PPP2R5A: variants seen among roughly 807,000 people sequenced by gnomAD.
PPP2R5A encodes protein phosphatase 2 regulatory subunit B'alpha.
In PPP2R5A, 25 loss-of-function variants were observed where a neutral mutation model predicts 64.2. That is an observed-to-expected ratio of 0.39 (90% CI 0.28 to 0.54). PPP2R5A has a LOEUF of 0.54. PPP2R5A is among the 20% of genes least tolerant of loss of function. The probability of loss-of-function intolerance (pLI) is 0.67; values close to 1 mark genes in which losing one functional copy is unlikely to be tolerated. For synonymous variants in PPP2R5A, 198 were observed against 201.2 expected (o/e 0.98, Z 0.13); for missense variants, 425 against 576.3 (o/e 0.74, Z 2.69).
chr1:212,350,006 C>A (rs960342662), intron 8 of PPP2R5A, among the ~76,000 whole-genome samples: 1 of 152,184 alleles, frequency 6.6e-6, no homozygotes, highest in Non-Finnish European at 1.5e-5. Context: ...AAAGTGATTG[C>A]GGCTTTTGCC....
chr1:212,289,677 G>T (rs971914288), intron 1 of PPP2R5A, among the ~76,000 whole-genome samples: 1 of 151,852 alleles, frequency 6.6e-6, no homozygotes, highest in African/African-American at 2.4e-5. Context: ...GGGATTAAGG[G>T]GAATAATTTA....
chr1:212,311,189 C>T (rs948319724), intron 1 of PPP2R5A, among the ~76,000 whole-genome samples: 1 of 152,168 alleles, frequency 6.6e-6, no homozygotes, highest in African/African-American at 2.4e-5. Flanking sequence ...GTATATATAG[C>T]TGCCAGGCAT....
chr1:212,286,960 C>T (rs1320989298), intron 1 of PPP2R5A, among the ~76,000 whole-genome samples: 2 of 152,158 alleles, frequency 1.3e-5, no homozygotes, highest in Non-Finnish European at 2.9e-5. Context: ...TTAAAATATT[C>T]TGTTGTCTGA....
At chr1:212,352,764 A>G (rs187481866) in intron 8 of PPP2R5A, 8 of 518,134 alleles carry the variant, frequency 1.5e-5, no homozygotes, top group Non-Finnish European at 2.3e-5. Context: ...TTCATTTTCA[A>G]TTACGCATAT....
chr1:212,343,420 T>C lies in PPP2R5A; in HGVS notation c.573+1140T>C, dbSNP rs371677213. 1.1e-3 allele frequency among the ~76,000 whole-genome samples: 166 copies of C among 152,282 alleles called. 1 individual carries two copies. The highest frequency in any genetic ancestry group is 3.7e-3 in the African/African-American group (155 of 41,562). On this transcript the variant is annotated intron_variant, in intron 4 of 12. Transcript: ENST00000261461. ...GGACCTTTCCTACCCTTCAGACCGC[T>C]TTGTATGTGCCCTATGATAAAAATT...
rs1658491221 is a variant in PPP2R5A, at chr1:212,286,095, C to G, written c.-16C>G. On this transcript the variant is annotated 5_prime_UTR_variant, in exon 1 of 13. Transcript: ENST00000261461. ...GCAAGCAGCAGCCGGAGCTGCCAAG[C>G]GTCAGGGCCGCGGAGATGTCGTCGT... 3 of 1,548,164 alleles carry G rather than the reference C, an allele frequency of 1.9e-6. No homozygotes were observed. Among genetic ancestry groups the G allele is most frequent in the Non-Finnish European group, 2.6e-6 (3 of 1,151,436 alleles).
At position 212,358,899 on chromosome 1, in the gene PPP2R5A, A is replaced by ATGT. The variant is rs879356792; in HGVS notation, c.1328+113_1328+114insGTT. On this transcript the variant is annotated intron_variant, in intron 12 of 12. Coordinates refer to ENST00000261461, the MANE Select transcript of PPP2R5A (RefSeq NM_006243.4). ...TCAGATTTTCATATTTAAGAAGTTAATTACCTTATAGTAAACATTACAATG... is the reference window on the plus strand; with the variant it reads ...TCAGATTTTCATATTTAAGAAGTTAATGTTTACCTTATAGTAAACATTACAATG... 1.2e-3 allele frequency: 895 copies of ATGT among 744,448 alleles called. 16 individuals carry two copies. The Admixed American group carries it at 0.024, about 20-fold the overall frequency. 46.1% of individuals were successfully genotyped at this position (744,448 alleles called of 1,614,324 possible). A position where few individuals can be genotyped will look rare whatever the true frequency, so the allele number is the denominator to read the frequency against.
At chr1:212,300,186 A>AGTCACTGGTTTT (rs1658774307) in intron 1 of PPP2R5A, among the ~76,000 whole-genome samples, 1 of 152,210 alleles carries the variant, frequency 6.6e-6, no homozygotes, top group South Asian at 2.1e-4. Context: ...CCGTATATCT[A>AGTCACTGGTTTT]GTCACTGGTT....
rs186352077 is a variant in PPP2R5A at position 212,348,090 on chromosome 1, C to G, written c.765-299C>G. On this transcript the variant is annotated intron_variant, in intron 6 of 12. Transcript: ENST00000261461. ...CTAACAATATTGTGGTACTGACTCT[C>G]CTGGAGCTTTGGGGGCAAAAATAAA... is the stretch of plus-strand genomic sequence containing the variant. 9.1e-4 allele frequency among the ~76,000 whole-genome samples: 139 copies of G among 152,270 alleles called. 1 individual carries two copies. The highest frequency in any genetic ancestry group is 2.0e-3 in the Admixed American group (31 of 15,300).
intron 1 of PPP2R5A, among the ~76,000 whole-genome samples, chr1:212,321,271 C>T (rs1348543462): frequency 2.9e-4 from 38 of 131,552 alleles, no homozygotes; most frequent in Middle Eastern, 5.3e-3. Context: ...GGCGGCCGGG[C>T]AGAGGCGCCC....
chr1:212,320,160 C>G (rs1659243394), intron 1 of PPP2R5A, among the ~76,000 whole-genome samples: 1 of 151,738 alleles, frequency 6.6e-6, no homozygotes, highest in African/African-American at 2.4e-5. Context: ...AACGAGCATG[C>G]TGCCTTCAAG....
At chr1:212,351,966 CTTTT>C (rs983376432) in intron 8 of PPP2R5A, among the ~76,000 whole-genome samples, 11 of 141,368 alleles carry the variant, frequency 7.8e-5, no homozygotes, top group African/African-American at 2.7e-4. Flanking sequence ...TTTTATTTTT[CTTTT>C]TTATTTTATT....
chr1:212,305,863 T>G (rs1658890536), intron 1 of PPP2R5A, among the ~76,000 whole-genome samples: 1 of 152,132 alleles, frequency 6.6e-6, no homozygotes, highest in Non-Finnish European at 1.5e-5. Context: ...AAATAAGATA[T>G]AAAGATGAAA....
At chr1:212,360,360 T>C (rs1310190662) in intron 12 of PPP2R5A, among the ~76,000 whole-genome samples, 2 of 152,184 alleles carry the variant, frequency 1.3e-5, no homozygotes, top group African/African-American at 4.8e-5. Flanking sequence ...TGTAAGTACT[T>C]TGTTGACTAT....
intron 3 of PPP2R5A, among the ~76,000 whole-genome samples, chr1:212,335,163 C>G (rs995475857): frequency 2.6e-5 from 4 of 151,560 alleles, no homozygotes; most frequent in African/African-American, 9.7e-5. Flanking sequence ...CTGTAGTGAC[C>G]TTTACATTTT....
Position 212,349,171 on chromosome 1 carries a change from C to T in PPP2R5A, c.874-18C>T, listed in dbSNP as rs1370009400. ...ATGTTATCTCACTAATATTTATAAA[C>T]TGTCCCTTACCTTTTAGCTAGCATA... On this transcript the variant is annotated intron_variant, in intron 7 of 12. Coordinates refer to ENST00000261461, the MANE Select transcript of PPP2R5A (RefSeq NM_006243.4). The T allele has an allele frequency of 1.4e-6, 2 of 1,469,042 alleles. No homozygotes were observed. The highest frequency in any genetic ancestry group is 2.3e-5 in the East Asian group (1 of 42,584). 91.0% of individuals were successfully genotyped at this position (1,469,042 alleles called of 1,614,324 possible).
intron 1 of PPP2R5A, among the ~76,000 whole-genome samples, chr1:212,290,670 A>G (rs1658583754): frequency 6.6e-6 from 1 of 152,184 alleles, no homozygotes; most frequent in African/African-American, 2.4e-5. Context: ...CCTCCTCTCC[A>G]TTTTATTACC....
Position 212,296,767 on chromosome 1 carries a change from T to G in PPP2R5A, c.181+10476T>G, listed in dbSNP as rs574735891. ...AAGAATGAAGCAAAAGCTATTAAAT[T>G]GATTGAAAGAAAAACATCATTTATA... On this transcript the variant is annotated intron_variant, in intron 1 of 12. Transcript: ENST00000261461. 1.2e-3 allele frequency among the ~76,000 whole-genome samples: 187 copies of G among 152,346 alleles called. 5 individuals are homozygous for G. The South Asian group carries it at 0.038, about 31-fold the overall frequency.
At chr1:212,316,762 G>A (rs566117390) in intron 1 of PPP2R5A, among the ~76,000 whole-genome samples, 1 of 151,758 alleles carries the variant, frequency 6.6e-6, no homozygotes, top group Non-Finnish European at 1.5e-5. Flanking sequence ...AATATGTATG[G>A]ATAAACAAAA....
Sources: allele counts gnomAD v4.1 joint callset (sites outside exome capture counted in the v4.1 genomes callset), GRCh38; gene constraint gnomAD v4.1.1; transcripts MANE v1.5; gene names NCBI Gene and HGNC (gene_info 2026-07-23, HGNC 2026-07-21).